PRRC2C: variants seen among roughly 807,000 people sequenced by gnomAD.
The protein encoded by PRRC2C is proline rich coiled-coil 2C, also known as protein PRRC2C.
In PRRC2C, 72 loss-of-function variants were observed where a neutral mutation model predicts 317.2. That is an observed-to-expected ratio of 0.23 (90% CI 0.19 to 0.28). The LOEUF (loss-of-function observed/expected upper bound fraction) is 0.28. PRRC2C is among the 10% of genes least tolerant of loss of function. The pLI is 1.00. For synonymous variants in PRRC2C, 1,296 were observed against 1,205.9 expected (o/e 1.07, Z -1.55); for missense variants, 3,074 against 3,459.7 (o/e 0.89, Z 2.80).
chr1:171,541,128 C>T lies in PRRC2C; in HGVS notation c.3662C>T (p.Pro1221Leu). The T allele has an allele frequency of 1.2e-6, 2 of 1,613,778 alleles. No individual in the cohort carries two copies. Among genetic ancestry groups the T allele is most frequent in the Non-Finnish European group, 1.7e-6 (2 of 1,179,856 alleles). ...RGGRGHTRDYPQYRDNKPRAE... is the reference protein window; with the variant it reads ...RGGRGHTRDYLQYRDNKPRAE... The stretch of plus-strand genomic sequence containing the variant: ...GGTAGGGGACACACTCGAGATTATC[C>T]TCAGTATAGAGACAATAAGCCAAGA... The change falls in exon 16 of 35, where the codon CCT (proline) becomes CTT (leucine). Residue 1221 changes from proline to leucine, a missense_variant. Around this residue, in one of 11 missense-constraint regions of PRRC2C, gnomAD observed 1,320 missense variants for 1,395.7 expected, o/e 0.95. Coordinates refer to ENST00000647382, the MANE Select transcript of PRRC2C (RefSeq NM_001387844.1). The surrounding 1 kb of genome is among the most constrained non-coding windows in gnomAD (Gnocchi z 4.1).
intron 1 of PRRC2C, among the ~76,000 whole-genome samples, chr1:171,508,667 A>G (rs1432314890): frequency 6.6e-6 from 1 of 152,224 alleles, no homozygotes; most frequent in East Asian, 1.9e-4. Flanking sequence ...CTTCATAAGA[A>G]TATGGAGAAG....
chr1:171,495,739 A>G (rs1667972893), intron 1 of PRRC2C, among the ~76,000 whole-genome samples: 1 of 152,170 alleles, frequency 6.6e-6, no homozygotes, highest in Non-Finnish European at 1.5e-5. Context: ...TTTATTTTAA[A>G]TGGGCAATTT....
intron 16 of PRRC2C, among the ~76,000 whole-genome samples, chr1:171,543,438 A>G (rs1234333013): frequency 6.6e-6 from 1 of 152,164 alleles, no homozygotes; most frequent in Non-Finnish European, 1.5e-5. Context: ...TCTCGGCTCT[A>G]GTACTTTCTA....
chr1:171,499,769 A>C (rs1452479288), intron 1 of PRRC2C, among the ~76,000 whole-genome samples: 1 of 152,116 alleles, frequency 6.6e-6, no homozygotes, highest in Non-Finnish European at 1.5e-5. Context: ...GTGCCACTGC[A>C]CTCCAGCCTG....
chr1:171,501,172 C>T (rs1410190337), intron 1 of PRRC2C, among the ~76,000 whole-genome samples: 3 of 152,138 alleles, frequency 2.0e-5, no homozygotes, highest in Non-Finnish European at 4.4e-5. Context: ...GCTGGGGTTA[C>T]TACTCATGAG....
At chr1:171,494,016 T>A (rs1250598539) in intron 1 of PRRC2C, among the ~76,000 whole-genome samples, 1 of 152,196 alleles carries the variant, frequency 6.6e-6, no homozygotes, top group African/African-American at 2.4e-5. Context: ...GATTAAGTAA[T>A]TTGCCTGTGG....
Position 171,536,190 on chromosome 1 carries a change from T to G in PRRC2C, c.2205T>G (p.Phe735Leu). The change falls in exon 14 of 35, where the codon TTT (phenylalanine) becomes TTG (leucine). Residue 735 changes from phenylalanine to leucine, a missense_variant. Around this residue, in one of 11 missense-constraint regions of PRRC2C, gnomAD observed 1,320 missense variants for 1,395.7 expected, o/e 0.95. Coordinates refer to ENST00000647382, the MANE Select transcript of PRRC2C (RefSeq NM_001387844.1). ...CTCAGCATTTGGCTTCTATGGGTTT[T>G]GATCCAAGGTGGCTCATGATGCAGT... ...PHPQHLASMGFDPRWLMMQSY... is the reference protein window; with the variant it reads ...PHPQHLASMGLDPRWLMMQSY... 2 of 1,613,330 alleles carry G rather than the reference T, an allele frequency of 1.2e-6. No individual in the cohort carries two copies. The highest frequency in any genetic ancestry group is 1.7e-6 in the Non-Finnish European group (2 of 1,179,634).
chr1:171,546,410 C>G (rs1332740851), intron 17 of PRRC2C, among the ~76,000 whole-genome samples: 1 of 152,150 alleles, frequency 6.6e-6, no homozygotes, highest in Non-Finnish European at 1.5e-5. Context: ...GGGTTAGTTG[C>G]AGTTATTCTA....
At chr1:171,523,011 A>T (rs1301843217) in intron 7 of PRRC2C, among the ~76,000 whole-genome samples, 1 of 152,112 alleles carries the variant, frequency 6.6e-6, no homozygotes, top group Non-Finnish European at 1.5e-5. Context: ...AATTCTTAAA[A>T]ACTTTGTCAG....
intron 1 of PRRC2C, among the ~76,000 whole-genome samples, chr1:171,502,256 A>G (rs1388761178): frequency 6.6e-6 from 1 of 152,258 alleles, no homozygotes; most frequent in African/African-American, 2.4e-5. Flanking sequence ...GTGGTTCTCA[A>G]CTGTGGGTAC....
chr1:171,522,215 A>T lies in PRRC2C; in HGVS notation c.789A>T (p.Leu263=). The change falls in exon 7 of 35, where the codon CTA becomes CTT. Residue 263 remains leucine, a synonymous_variant. Coordinates refer to ENST00000647382, the MANE Select transcript of PRRC2C (RefSeq NM_001387844.1). ...QQYPRMTYPP[L]HGPMRFPPSL... is the part of the protein sequence containing the mutation. ...ATCCGAGGATGACATATCCTCCTCT[A>T]CATGGTCCCATGAGATTCCCACCTT... The T allele has an allele frequency of 6.2e-7, 1 of 1,600,608 alleles. No homozygotes were observed. The highest frequency in any genetic ancestry group is 1.7e-4 in the Middle Eastern group (1 of 6,010).
chr1:171,533,913 C>T (rs190550222), intron 12 of PRRC2C, among the ~76,000 whole-genome samples: 10 of 152,240 alleles, frequency 6.6e-5, no homozygotes, highest in Admixed American at 3.9e-4. Context: ...TGAGCCACCG[C>T]GCCCAGCCTA....
At position 171,512,026 on chromosome 1, in the gene PRRC2C, C is replaced by T; in HGVS notation, c.-57-6C>T. 1 of 860,264 alleles carries T rather than the reference C, an allele frequency of 1.2e-6. No individual in the cohort carries two copies. The highest frequency in any genetic ancestry group is 1.8e-6 in the Non-Finnish European group (1 of 559,974). The allele number at this position is 860,264 out of a possible 1,614,324, so 53.3% of individuals were successfully genotyped here. A position where few individuals can be genotyped will look rare whatever the true frequency, so the allele number is the denominator to read the frequency against. ...CCTTATTTTTCTTTCTTATGTACAT[C>T]TTAAGGACTGGGGTTTTAAGGGGTG... On this transcript the variant is annotated splice_region_variant and splice_polypyrimidine_tract_variant and intron_variant, in intron 1 of 34. Coordinates refer to ENST00000647382, the MANE Select transcript of PRRC2C (RefSeq NM_001387844.1).
At position 171,569,994 on chromosome 1, in the gene PRRC2C, C is replaced by A. The variant is rs532315071; in HGVS notation, c.6652-1326C>A. 4.6e-5 allele frequency among the ~76,000 whole-genome samples: 7 copies of A among 152,218 alleles called. No individual in the cohort carries two copies. In the East Asian group the frequency reaches 9.7e-4, roughly 21 times the overall value. ...AATGGAGCGACTTATATACTGGTAA[C>A]TACTGGAGACAACAGACCCAGCCTC... On this transcript the variant is annotated intron_variant, in intron 23 of 34. Transcript: ENST00000647382.
intron 1 of PRRC2C, among the ~76,000 whole-genome samples, chr1:171,498,254 C>G (rs569488958): frequency 1.3e-5 from 2 of 152,266 alleles, no homozygotes; most frequent in Admixed American, 1.3e-4. Context: ...AACAAAATGC[C>G]TGAGACTGGG....
intron 1 of PRRC2C, among the ~76,000 whole-genome samples, chr1:171,504,067 A>G (rs982021010): frequency 2.6e-5 from 4 of 152,156 alleles, no homozygotes; most frequent in African/African-American, 4.8e-5. Flanking sequence ...GAGCCAAACC[A>G]TATCACTGAG....
intron 18 of PRRC2C, among the ~76,000 whole-genome samples, chr1:171,554,040 T>C (rs1373871514): frequency 6.6e-6 from 1 of 152,188 alleles, no homozygotes; most frequent in Non-Finnish European, 1.5e-5. Context: ...TTCTGTCTCA[T>C]TGATCTGTCT....
intron 15 of PRRC2C, among the ~76,000 whole-genome samples, chr1:171,538,799 C>T (rs1677334166): frequency 6.6e-6 from 1 of 152,108 alleles, no homozygotes; most frequent in Admixed American, 6.5e-5. Context: ...GCAGCCTTGA[C>T]CTCCCAGGCT....
At chr1:171,500,441 C>T (rs1006694098) in intron 1 of PRRC2C, among the ~76,000 whole-genome samples, 9 of 152,050 alleles carry the variant, frequency 5.9e-5, no homozygotes, top group African/African-American at 1.9e-4. Flanking sequence ...CTGTGTCACC[C>T]AGGCTTGAGT....
Sources: gnomAD v4.1 joint callset for allele counts (sites outside exome capture counted in the v4.1 genomes callset) on GRCh38, gnomAD v4.1.1 for gene constraint, gnomAD v4.1.1 regional missense constraint, Gnocchi (gnomAD v3.1) non-coding constraint, MANE v1.5 for transcripts, NCBI Gene and HGNC (gene_info 2026-07-23, HGNC 2026-07-21) for gene names.